The following TH variants were observed in gnomAD, a reference collection of about 807,000 sequenced individuals.
The protein encoded by TH is tyrosine 3-monooxygenase.
TH carries 49 observed loss-of-function variants against 57.4 expected under a neutral mutation model. That is an observed-to-expected ratio of 0.85 (90% CI 0.68 to 1.08). The LOEUF (loss-of-function observed/expected upper bound fraction) is 1.08, where lower values mean the gene tolerates loss of function less well. Among genes scored for constraint, TH ranks in the 50% least tolerant of loss-of-function variants. The pLI is 0.00. For synonymous variants in TH, 330 were observed against 304.5 expected (o/e 1.08, Z -0.87); for missense variants, 720 against 696.7 (o/e 1.03, Z -0.38).
chr11:2,167,714 G>A (rs1846137602), intron 5 of TH, 152 bp downstream of exon 5: 1 of 1,167,634 alleles, frequency 8.6e-7, no homozygotes, highest in African/African-American at 1.5e-5. Context: ...TGGGATTTGG[G>A]GACATGGAAA....
Position 2,168,573 on chromosome 11 carries a change from C to A in TH, c.405G>T (p.Glu135Asp). 1 of 1,611,840 alleles carries A rather than the reference C, an allele frequency of 6.2e-7. No homozygotes were observed. Among genetic ancestry groups the A allele is most frequent in the Non-Finnish European group, 8.5e-7 (1 of 1,179,680 alleles). ...GGGCGGCCAGGTCCCCTCGGCGCAC[C>A]TCGAGGCGCACGAAGTACTCCAGGT... Reference protein sequence around the residue: ...GPHLEYFVRLEVRRGDLAALL... With the variant: ...GPHLEYFVRLDVRRGDLAALL... Residue 135 changes from glutamate (E) to aspartate (D), a missense_variant, in exon 3 of 13, where the codon GAG (glutamate) becomes GAT (aspartate). Transcript: ENST00000352909.
rs2133703503 is a variant in TH at position 2,171,461 on chromosome 11, C to A, written c.90+236G>T. ...CCACACGACCCCCGAGAGAGGTCGG[C>A]CTAAGAGGGGCACACACAGGGACAG... On this transcript the variant is annotated intron_variant, in intron 1 of 12. Coordinates refer to ENST00000352909, the MANE Select transcript of TH (RefSeq NM_000360.4). This position sits in a 1 kb window ranked among gnomAD's most constrained non-coding sequence, Gnocchi z 8.6. Among the ~76,000 whole-genome samples the A allele has an allele frequency of 6.6e-6, 1 of 152,094 alleles. No individual in the cohort carries two copies. Among genetic ancestry groups the A allele is most frequent in the East Asian group, 1.9e-4 (1 of 5,166 alleles).
chr11:2,164,215 C>G lies in TH; in HGVS notation c.*18G>C. 1 of 1,439,982 alleles carries G rather than the reference C, an allele frequency of 6.9e-7. No homozygotes were observed. Among genetic ancestry groups the G allele is most frequent in the Non-Finnish European group, 9.2e-7 (1 of 1,092,770 alleles). The allele number at this position is 1,439,982 out of a possible 1,614,324, so 89.2% of individuals were successfully genotyped here. On this transcript the variant is annotated 3_prime_UTR_variant, in exon 13 of 13. Transcript: ENST00000352909. Reference sequence around the variant, plus strand: ...GGACCAGGGGAGGTTGGGAAGGGCCCTCAGGGACGCCGTGCACCTAGCCAA... The same window carrying G: ...GGACCAGGGGAGGTTGGGAAGGGCCGTCAGGGACGCCGTGCACCTAGCCAA...
chr11:2,167,799 C>T, intron 5 of TH, 67 bp downstream of exon 5: 1 of 1,517,028 alleles, frequency 6.6e-7, no homozygotes, highest in Non-Finnish European at 9.0e-7. Flanking sequence ...GTCCTTCCCT[C>T]CCACCCCCCA....
Position 2,171,008 on chromosome 11 carries a change from G to C in TH, c.90+689C>G, listed in dbSNP as rs928502951. Among the ~76,000 whole-genome samples the C allele has an allele frequency of 6.6e-6, 1 of 152,076 alleles. No individual in the cohort carries two copies. The highest frequency in any genetic ancestry group is 2.4e-5 in the African/African-American group (1 of 41,398). On this transcript the variant is annotated intron_variant, in intron 1 of 12. Transcript: ENST00000352909. This position sits in a 1 kb window ranked among gnomAD's most constrained non-coding sequence, Gnocchi z 8.6. ...CCCTCCTGTGGGCTGAAAAGCTCCC[G>C]ATTATCCAGCCTGGCCCACACAGTC...
intron 3 of TH, 139 bp downstream of exon 3, chr11:2,168,352 A>C (rs994024970): frequency 1.0e-5 from 14 of 1,381,382 alleles, no homozygotes; most frequent in Non-Finnish European, 1.3e-5. Flanking sequence ...TGTGTAGCAA[A>C]ACGGGGTGCG....
chr11:2,166,514 A>G lies in TH; in HGVS notation c.1013T>C (p.Met338Thr). The G allele has an allele frequency of 6.2e-7, 1 of 1,600,804 alleles. No homozygotes were observed. Among genetic ancestry groups the G allele is most frequent in the Non-Finnish European group, 8.5e-7 (1 of 1,177,236 alleles). Residue 338 changes from methionine (M) to threonine (T), a missense_variant, in exon 9 of 13, where the codon ATG becomes ACG. Met to Thr is a moderately conservative substitution (Grantham distance 81). Transcript: ENST00000352909. ...CTGCGCGAAGGTGCGGTCGGCCAGC[A>G]TGGGCACGTGCCCCAGCAGCTCGTG... ...CCHELLGHVP[M>T]LADRTFAQFS...
Position 2,168,760 on chromosome 11 carries a change from G to C in TH, c.313-95C>G, listed in dbSNP as rs1389012829. 6.5e-6 allele frequency: 9 copies of C among 1,390,662 alleles called. No homozygotes were observed. In the South Asian group the frequency reaches 1.1e-4, roughly 17 times the overall value. 86.1% of individuals were successfully genotyped at this position (1,390,662 alleles called of 1,614,324 possible). A position where few individuals can be genotyped will look rare whatever the true frequency, so the allele number is the denominator to read the frequency against. On this transcript the variant is annotated intron_variant, in intron 2 of 12. Coordinates refer to ENST00000352909, the MANE Select transcript of TH (RefSeq NM_000360.4). ...GGCGGGGAGGAGGCACATCTGGCTG[G>C]CTGGCCAGGCCCTGCCCTTGACTTT... is the stretch of plus-strand genomic sequence containing the variant.
chr11:2,164,853 C>T (rs1442634811), intron 12 of TH, among the ~76,000 whole-genome samples: 1 of 152,154 alleles, frequency 6.6e-6, no homozygotes, highest in Non-Finnish European at 1.5e-5. Flanking sequence ...CAAAGGCCCC[C>T]AGCCCTGGGG....
At position 2,171,743 on chromosome 11, in the gene TH, C is replaced by G. The variant is rs199648386; in HGVS notation, c.44G>C (p.Arg15Pro). The G allele has an allele frequency of 6.2e-7, 1 of 1,612,666 alleles. No individual in the cohort carries two copies. The highest frequency in any genetic ancestry group is 8.5e-7 in the Non-Finnish European group (1 of 1,179,832). Residue 15 changes from arginine (R) to proline (P), a missense_variant, in exon 1 of 13, where the codon CGC (arginine) becomes CCC (proline). Transcript: ENST00000352909. This position sits in a 1 kb window ranked among gnomAD's most constrained non-coding sequence, Gnocchi z 8.6. The stretch of plus-strand genomic sequence containing the variant: ...GGCGTCCAGCTCAGACACGGCCCTG[C>G]GGAAGCCCTTGGCCTGTGGCGTGGT... ...DATTPQAKGF[R>P]RAVSELDAKQ...
At position 2,169,780 on chromosome 11, in the gene TH, G is replaced by T. The variant is rs758680742; in HGVS notation, c.182C>A (p.Pro61His). 3.7e-6 allele frequency: 6 copies of T among 1,611,576 alleles called. No homozygotes were observed. Among genetic ancestry groups the T allele is most frequent in the Non-Finnish European group, 4.2e-6 (5 of 1,179,502 alleles). The part of the protein sequence containing the change: ...AAVAAAAAAV[P>H]SEPGDPLEAV... ...CTCCAGGGGGTCCCCGGGCTCCGAG[G>T]GGACTGCAGCGGCCGCTGCTGCCAC... Residue 61 changes from proline (P) to histidine (H), a missense_variant, in exon 2 of 13, where the codon CCC (proline) becomes CAC (histidine). Transcript: ENST00000352909.
intron 9 of TH, 98 bp downstream of exon 9, chr11:2,166,382 G>A (rs1846090341): frequency 1.2e-5 from 17 of 1,446,254 alleles, no homozygotes; most frequent in Non-Finnish European, 1.5e-5. Context: ...CCCGGGAGCA[G>A]GCAGCACACT....
At chr11:2,167,982 G>A (rs778172904) in intron 4 of TH, 49 bp from the exon 5 acceptor site, 26 of 1,609,360 alleles carry the variant, frequency 1.6e-5, no homozygotes, top group Non-Finnish European at 2.0e-5. Flanking sequence ...TGGGGTGGGG[G>A]CACAGGCCAC....
At position 2,171,100 on chromosome 11, in the gene TH, A is replaced by AATGAATGAATGAATGAATGAATG. The variant is rs1554924202; in HGVS notation, c.90+596_90+597insCATTCATTCATTCATTCATTCAT. ...AGACTCCATGGTGAATGAATGAATG[A>AATGAATGAATGAATGAATGAATG]ATGAATGAATGAATGAGGGAAATAA... is the stretch of plus-strand genomic sequence containing the variant. On this transcript the variant is annotated intron_variant, in intron 1 of 12. Coordinates refer to ENST00000352909, the MANE Select transcript of TH (RefSeq NM_000360.4). The surrounding 1 kb of genome is among the most constrained non-coding windows in gnomAD (Gnocchi z 8.6). Among the ~76,000 whole-genome samples, 3 of 151,508 alleles carry AATGAATGAATGAATGAATGAATG rather than the reference A, an allele frequency of 2.0e-5. No homozygotes were observed. Among genetic ancestry groups the AATGAATGAATGAATGAATGAATG allele is most frequent in the Non-Finnish European group, 4.4e-5 (3 of 67,854 alleles).
At chr11:2,165,488 C>A (rs938114854) in intron 11 of TH, 123 bp from the exon 12 acceptor site, 23 of 1,469,898 alleles carry the variant, frequency 1.6e-5, no homozygotes, top group Non-Finnish European at 2.2e-5. Context: ...CCCCGCCGGG[C>A]CTTCGGAGGC....
Position 2,166,007 on chromosome 11 carries a change from A to G in TH, c.1099T>C (p.Ser367Pro). Residue 367 changes from serine to proline, a missense_variant, in exon 10 of 13, where the codon TCC (serine) becomes CCC (proline). Physicochemically the swap from Ser to Pro is moderately conservative, Grantham distance 74. Coordinates refer to ENST00000352909, the MANE Select transcript of TH (RefSeq NM_000360.4). Reference protein sequence around the residue: ...GASDEEIEKLSTLYWFTVEFG... With the variant: ...GASDEEIEKLPTLYWFTVEFG... ...GCAGGGAGGGGTCAACCCACCGTGGACAGCTTCTCAATTTCCTCATCCGAG... is the reference window on the plus strand; with the variant it reads ...GCAGGGAGGGGTCAACCCACCGTGGGCAGCTTCTCAATTTCCTCATCCGAG... The G allele has an allele frequency of 6.4e-7, 1 of 1,561,522 alleles. No homozygotes were observed.
chr11:2,167,413 C>G, intron 6 of TH, 22 bp downstream of exon 6: 2 of 1,556,174 alleles, frequency 1.3e-6, no homozygotes, highest in East Asian at 4.8e-5. Flanking sequence ...CTCCCCAGCC[C>G]CTAGCTGCAC....
chr11:2,170,698 TG>T lies in TH; in HGVS notation c.91-828del. 1 of 1,603,030 alleles carries T rather than the reference TG, an allele frequency of 6.2e-7. No homozygotes were observed. On this transcript the variant is annotated intron_variant, in intron 1 of 12. Coordinates refer to ENST00000352909, the MANE Select transcript of TH (RefSeq NM_000360.4). This position sits in a 1 kb window ranked among gnomAD's most constrained non-coding sequence, Gnocchi z 6.0. ...AGTCCCCTCTTACTTACCCTTGGGGTGGGGGTGTAGGATGCAGCTGGGGCTG... is the reference window on the plus strand; with the variant it reads ...AGTCCCCTCTTACTTACCCTTGGGGTGGGGTGTAGGATGCAGCTGGGGCTG...
rs529779894 is a variant in TH at position 2,167,128 on chromosome 11, A to G, written c.696-96T>C. The G allele has an allele frequency of 1.7e-5, 26 of 1,512,266 alleles. No homozygotes were observed. The African/African-American group carries it at 3.2e-4, about 18-fold the overall frequency. The allele number at this position is 1,512,266 out of a possible 1,614,324, so 93.7% of individuals were successfully genotyped here. A position where few individuals can be genotyped will look rare whatever the true frequency, so the allele number is the denominator to read the frequency against. On this transcript the variant is annotated intron_variant, in intron 6 of 12. Coordinates refer to ENST00000352909, the MANE Select transcript of TH (RefSeq NM_000360.4). ...GGTGCCTCTGCCTGCCTGAGCCCCTACCAACGCAGGCCTCTTGGGGACCCC... is the reference window on the plus strand; with the variant it reads ...GGTGCCTCTGCCTGCCTGAGCCCCTGCCAACGCAGGCCTCTTGGGGACCCC...
Sources: allele counts gnomAD v4.1 joint callset (sites outside exome capture counted in the v4.1 genomes callset), GRCh38; gene constraint gnomAD v4.1.1; non-coding constraint Gnocchi (gnomAD v3.1); transcripts MANE v1.5; gene names NCBI Gene and HGNC (gene_info 2026-07-23, HGNC 2026-07-21).